The following CFAP74 variants were observed in gnomAD, a reference collection of about 807,000 sequenced individuals.
CFAP74 encodes cilia- and flagella-associated protein 74.
CFAP74 carries 124 observed loss-of-function variants against 188.9 expected under a neutral mutation model. That is an observed-to-expected ratio of 0.66 (90% CI 0.57 to 0.76). The LOEUF (loss-of-function observed/expected upper bound fraction) is 0.76, where lower values mean the gene tolerates loss of function less well. Among genes scored for constraint, CFAP74 ranks in the 30% least tolerant of loss-of-function variants. CFAP74 has a pLI of 0.00. For synonymous variants in CFAP74, 956 were observed against 916.7 expected (o/e 1.04, Z -0.77); for missense variants, 2,198 against 2,165.2 (o/e 1.02, Z -0.30).
chr1:1,984,468 T>C (rs1570977147), intron 6 of CFAP74: 2 of 152,242 alleles, frequency 1.3e-5, no homozygotes, highest in Non-Finnish European at 1.5e-5. Context: ...CAGGGGACAG[T>C]GTTCTCCACG....
At chr1:1,978,459 G>T (rs371557682) in intron 6 of CFAP74, among the ~76,000 whole-genome samples, 1 of 152,090 alleles carries the variant, frequency 6.6e-6, no homozygotes, top group Non-Finnish European at 1.5e-5. Context: ...ATTGATTTTG[G>T]GGTCCCTAGG....
chr1:1,949,227 C>T (rs899530079), intron 18 of CFAP74, among the ~76,000 whole-genome samples: 1 of 143,602 alleles, frequency 7.0e-6, no homozygotes, highest in Non-Finnish European at 1.5e-5. Context: ...GGCATGATCT[C>T]GGCTCACCAC....
At chr1:1,970,302 G>A (rs1655853734) in intron 10 of CFAP74, among the ~76,000 whole-genome samples, 1 of 151,806 alleles carries the variant, frequency 6.6e-6, no homozygotes. Context: ...GGGGCCTGGT[G>A]CTCCCTGGAG....
rs1289747157 is a variant in CFAP74 at position 1,970,772 on chromosome 1, C to G, written c.933G>C (p.Glu311Asp). Reference sequence around the variant, plus strand: ...CAGCCTGGACCCTCTGCTCCGCCAGCTCTGCCTTGGCACGGTCCCATGCTT... The same window carrying G: ...CAGCCTGGACCCTCTGCTCCGCCAGGTCTGCCTTGGCACGGTCCCATGCTT... ...KFQAWDRAKAELAEQRVQAEK... is the reference protein window; with the variant it reads ...KFQAWDRAKADLAEQRVQAEK... Residue 311 changes from glutamate to aspartate, a missense_variant, in exon 10 of 39, where the codon GAG (glutamate) becomes GAC (aspartate). Coordinates refer to ENST00000682832, the MANE Select transcript of CFAP74 (RefSeq NM_001304360.2). 1 of 1,614,068 alleles carries G rather than the reference C, an allele frequency of 6.2e-7. No individual in the cohort carries two copies. The highest frequency in any genetic ancestry group is 2.2e-5 in the East Asian group (1 of 44,894).
In CFAP74 at chr1:1,927,622, C is replaced by T. The variant is rs1323934540; in HGVS notation, c.3512G>A (p.Arg1171Gln). The change falls in exon 28 of 39, where the codon CGG becomes CAG. Residue 1171 changes from arginine to glutamine, a missense_variant. By Grantham distance (43) the Arg-to-Gln change is conservative. Transcript: ENST00000682832. Reference protein sequence around the residue: ...SVPHVLEMRKRELRPSSDEYQ... With the variant: ...SVPHVLEMRKQELRPSSDEYQ... Reference sequence around the variant, plus strand: ...CTGGACCCACCTGGGCCTCAGCTCCCGCTTCCGCATCTCCAGGACGTGGGG... The same window carrying T: ...CTGGACCCACCTGGGCCTCAGCTCCTGCTTCCGCATCTCCAGGACGTGGGG... 2.5e-5 allele frequency: 38 copies of T among 1,549,772 alleles called. No individual in the cohort carries two copies. Among genetic ancestry groups the T allele is most frequent in the Admixed American group, 3.9e-5 (2 of 50,978 alleles).
rs1655639089 is a variant in CFAP74 at position 1,968,513 on chromosome 1, C to A, written c.1245+122G>T. ...GGCGGCCACTCAGCGGGCTCAGCAA[C>A]CCCCTGCAGGTGGCCATGGTGCTGA... On this transcript the variant is annotated intron_variant, in intron 11 of 38. Transcript: ENST00000682832. This position sits in a 1 kb window ranked among gnomAD's most constrained non-coding sequence, Gnocchi z 4.3. The A allele has an allele frequency of 4.9e-6, 4 of 812,766 alleles. No homozygotes were observed. Among genetic ancestry groups the A allele is most frequent in the Middle Eastern group, 3.8e-4 (1 of 2,634 alleles). The allele number at this position is 812,766 out of a possible 1,614,324, so 50.3% of individuals were successfully genotyped here.
intron 14 of CFAP74, 61 bp downstream of exon 14, chr1:1,963,688 G>GA (rs1256154896): frequency 2.9e-6 from 3 of 1,047,102 alleles, no homozygotes; most frequent in African/African-American, 3.2e-5. Flanking sequence ...AACATGAAGG[G>GA]ACCTATGAAC....
intron 32 of CFAP74, 33 bp from the exon 33 acceptor site, chr1:1,925,971 A>G: frequency 6.4e-7 from 1 of 1,556,162 alleles, no homozygotes; most frequent in East Asian, 2.4e-5. Flanking sequence ...CCAGGAACCG[A>G]TGTCTGCTGG....
chr1:1,926,189 CT>C, intron 32 of CFAP74, 38 bp downstream of exon 32: 2 of 1,473,268 alleles, frequency 1.4e-6, no homozygotes, highest in Non-Finnish European at 1.8e-6. Flanking sequence ...TGTGGGGAGC[CT>C]TGGGCCGCAG....
chr1:1,936,994 T>C (rs1652943857), intron 25 of CFAP74, among the ~76,000 whole-genome samples: 1 of 151,728 alleles, frequency 6.6e-6, no homozygotes, highest in Admixed American at 6.6e-5. Flanking sequence ...GAATCACAGG[T>C]GACATTGTTA....
chr1:1,975,688 C>T lies in CFAP74; in HGVS notation c.501-1490G>A, dbSNP rs191552077. ...ATTGCTCCCCAAGTCTGGGGGACTC[C>T]GCGGAGCTTCCACGGGCGGGTTATT... On this transcript the variant is annotated intron_variant, in intron 6 of 38. Transcript: ENST00000682832. This position sits in a 1 kb window ranked among gnomAD's most constrained non-coding sequence, Gnocchi z 4.5. 3.3e-5 allele frequency among the ~76,000 whole-genome samples: 5 copies of T among 152,268 alleles called. No homozygotes were observed. The highest frequency in any genetic ancestry group is 6.5e-5 in the Admixed American group (1 of 15,300).
chr1:1,990,390 G>A lies in CFAP74; in HGVS notation c.67+500C>T, dbSNP rs1216008866. ...GGGGCGGGAGAGGGAGACAGTGGCG[G>A]GGGGCAGGGGGGAGAAGGCCACACA... On this transcript the variant is annotated intron_variant, in intron 2 of 38. Transcript: ENST00000682832. 2.0e-5 allele frequency among the ~76,000 whole-genome samples: 3 copies of A among 150,500 alleles called. No homozygotes were observed. The East Asian group carries it at 5.9e-4, about 29-fold the overall frequency.
At chr1:1,956,572 T>A in intron 17 of CFAP74, 48 bp downstream of exon 17, 1 of 1,608,180 alleles carries the variant, frequency 6.2e-7, no homozygotes, top group Non-Finnish European at 8.5e-7. Context: ...GGGACTGGAT[T>A]TGGGGGGCAG....
Position 1,926,700 on chromosome 1 carries a change from TCAC to T in CFAP74, c.3721_3723del (p.Val1241del), listed in dbSNP as rs1226470876. 1 of 1,550,084 alleles carries T rather than the reference TCAC, an allele frequency of 6.5e-7. No homozygotes were observed. Among genetic ancestry groups the T allele is most frequent in the Admixed American group, 2.0e-5 (1 of 51,000 alleles). On this transcript the variant is annotated inframe_deletion, in exon 30 of 39. Coordinates refer to ENST00000682832, the MANE Select transcript of CFAP74 (RefSeq NM_001304360.2). ...AAGATGGTCTTGCCTTTATGGGACG[TCAC>T]CACAACAGATGGTGCCACCGTCGGG...
chr1:1,994,007 T>A (rs28584507), intron 1 of CFAP74, among the ~76,000 whole-genome samples: 1 of 149,642 alleles, frequency 6.7e-6, no homozygotes, highest in Admixed American at 6.6e-5. Context: ...AAAATAAAAA[T>A]AAAAAAATGT....
chr1:1,970,857 A>G (rs779211054), intron 9 of CFAP74, 41 bp from the exon 10 acceptor site: 151 of 1,609,392 alleles, frequency 9.4e-5, no homozygotes, highest in Non-Finnish European at 1.3e-4. Context: ...AGCAGCACCC[A>G]CGGGCACATG....
intron 1 of CFAP74, among the ~76,000 whole-genome samples, chr1:2,001,772 C>A (rs1343766371): frequency 6.6e-6 from 1 of 152,096 alleles, no homozygotes; most frequent in Non-Finnish European, 1.5e-5. Flanking sequence ...ATGAACAGGC[C>A]ACGGTGTCAC....
chr1:1,972,633 G>T (rs1656168968), intron 8 of CFAP74, among the ~76,000 whole-genome samples: 1 of 152,218 alleles, frequency 6.6e-6, no homozygotes, highest in Admixed American at 6.5e-5. Context: ...ATCACCTGAG[G>T]TCAGGAGTTC....
chr1:1,991,668 T>C (rs1051403466), intron 1 of CFAP74, among the ~76,000 whole-genome samples: 6 of 152,176 alleles, frequency 3.9e-5, no homozygotes, highest in Admixed American at 1.3e-4. Flanking sequence ...CCAATATGCA[T>C]GTGAAACTGT....
Sources: allele counts gnomAD v4.1 joint callset (sites outside exome capture counted in the v4.1 genomes callset), GRCh38; gene constraint gnomAD v4.1.1; non-coding constraint Gnocchi (gnomAD v3.1); transcripts MANE v1.5; gene names NCBI Gene and HGNC (gene_info 2026-07-23, HGNC 2026-07-21).